GCNT1: variants seen among roughly 807,000 people sequenced by gnomAD.
GCNT1 encodes glucosaminyl (N-acetyl) transferase 1, also known as beta-1,3-galactosyl-O-glycosyl-glycoprotein beta-1,6-N-acetylglucosaminyltransferase.
In GCNT1, 16 loss-of-function variants were observed where a neutral mutation model predicts 26.2. That is an observed-to-expected ratio of 0.61 (90% CI 0.41 to 0.93). The LOEUF is 0.93. GCNT1 is among the 40% of genes least tolerant of loss of function. The pLI is 0.00. For missense variants in GCNT1, 477 were observed against 526.7 expected, an observed-to-expected ratio of 0.91 and a Z score of 0.92; for synonymous variants, 183 against 190.8, an observed-to-expected ratio of 0.96 and a Z score of 0.34.
upstream of GCNT1, among the ~76,000 whole-genome samples, chr9:76,441,024 C>T (rs1823476766): frequency 6.7e-6 from 1 of 149,166 alleles, no homozygotes; most frequent in Admixed American, 6.7e-5. Flanking sequence ...AAGATCACAC[C>T]ACTGCACTCC....
At chr9:76,468,639 G>GT (rs766451054) in intron 2 of GCNT1, among the ~76,000 whole-genome samples, 1 of 152,180 alleles carries the variant, frequency 6.6e-6, no homozygotes, top group Non-Finnish European at 1.5e-5. Flanking sequence ...TGCCAGATAC[G>GT]TAAGAGTGGT....
upstream of GCNT1, among the ~76,000 whole-genome samples, chr9:76,418,366 G>T (rs1823150400): frequency 4.6e-5 from 7 of 152,216 alleles, no homozygotes; most frequent in Admixed American, 4.6e-4. Flanking sequence ...TGTACATGCT[G>T]GTCAACTTTT....
the GCNT1 span, among the ~76,000 whole-genome samples, chr9:76,405,484 C>G: frequency 6.6e-6 from 1 of 152,182 alleles, no homozygotes; most frequent in African/African-American, 2.4e-5. Context: ...CTTGTATCCA[C>G]CATTATCGTA....
chr9:76,497,081 C>G (rs1055508493), intron 2 of GCNT1, among the ~76,000 whole-genome samples: 1 of 152,136 alleles, frequency 6.6e-6, no homozygotes, highest in Non-Finnish European at 1.5e-5. Flanking sequence ...TGTAGTTGTC[C>G]TCACTGGCAA....
At chr9:76,421,756 C>T (rs1823200175) in intron 1 of GCNT1, among the ~76,000 whole-genome samples, 1 of 119,210 alleles carries the variant, frequency 8.4e-6, no homozygotes, top group Non-Finnish European at 1.6e-5. Flanking sequence ...TGCAATGGCT[C>T]AATCACAGCT....
chr9:76,478,126 A>G (rs1824300172), intron 2 of GCNT1, among the ~76,000 whole-genome samples: 1 of 152,244 alleles, frequency 6.6e-6, no homozygotes, highest in Admixed American at 6.5e-5. Context: ...GTGGGGACAA[A>G]TAAAGGAATA....
intron 2 of GCNT1, among the ~76,000 whole-genome samples, chr9:76,474,792 T>C (rs939736794): frequency 6.6e-6 from 1 of 152,230 alleles, no homozygotes; most frequent in African/African-American, 2.4e-5. Flanking sequence ...AGAAAATTAC[T>C]GAAGTGAACA....
chr9:76,480,944 A>T (rs910847495), intron 2 of GCNT1, among the ~76,000 whole-genome samples: 3 of 151,992 alleles, frequency 2.0e-5, no homozygotes, highest in Non-Finnish European at 4.4e-5. Flanking sequence ...AGGATTACTC[A>T]GAAAAAAAAA....
At chr9:76,459,599 G>C (rs1158733383) in intron 1 of GCNT1, among the ~76,000 whole-genome samples, 1 of 152,194 alleles carries the variant, frequency 6.6e-6, no homozygotes, top group Admixed American at 6.5e-5. Context: ...CTTAGATGTC[G>C]GAGGGGTTGG....
At chr9:76,426,645 C>T (rs937240232) in intron 1 of GCNT1, among the ~76,000 whole-genome samples, 3 of 152,086 alleles carry the variant, frequency 2.0e-5, no homozygotes, top group East Asian at 3.9e-4. Flanking sequence ...GCCTGTAATC[C>T]CGCACTTTGG....
intron 1 of GCNT1, among the ~76,000 whole-genome samples, chr9:76,453,003 G>T (rs892804752): frequency 5.9e-5 from 9 of 152,216 alleles, no homozygotes; most frequent in African/African-American, 2.2e-4. Flanking sequence ...GCCTCACACA[G>T]CCCCTGCTGC....
chr9:76,443,209 G>A (rs12346978), intron 1 of GCNT1, among the ~76,000 whole-genome samples: 2,595 of 152,198 alleles, frequency 0.017, 76 homozygotes, highest in African/African-American at 0.059. Context: ...AGACCAGCTC[G>A]GTTGGGGAGA....
the GCNT1 span, among the ~76,000 whole-genome samples, chr9:76,399,997 A>T: frequency 6.6e-6 from 1 of 152,240 alleles, no homozygotes; most frequent in African/African-American, 2.4e-5. Context: ...ATAACACATG[A>T]TTCCAATTAT....
upstream of GCNT1, among the ~76,000 whole-genome samples, chr9:76,454,848 T>TTTC (rs1291840519): frequency 4.3e-5 from 6 of 139,396 alleles, no homozygotes; most frequent in African/African-American, 1.3e-4. Flanking sequence ...TTTTCTTTTT[T>TTTC]TTTTTTTTTT....
the GCNT1 span, among the ~76,000 whole-genome samples, chr9:76,400,921 T>C: frequency 1.3e-5 from 2 of 152,296 alleles, no homozygotes; most frequent in South Asian, 4.1e-4. Context: ...TGATAGAGCT[T>C]AGTAGTAGGT....
At chr9:76,465,419 T>G (rs1270532774) in intron 2 of GCNT1, among the ~76,000 whole-genome samples, 1 of 152,164 alleles carries the variant, frequency 6.6e-6, no homozygotes, top group Non-Finnish European at 1.5e-5. Flanking sequence ...CCACCGCACC[T>G]GGCCTAATTT....
Position 76,504,819 on chromosome 9 carries a change from C to T in GCNT1, c.*1151C>T. 2.4e-6 allele frequency: 1 copy of T among 413,480 alleles called. No individual in the cohort carries two copies. Among genetic ancestry groups the T allele is most frequent in the Non-Finnish European group, 4.4e-6 (1 of 226,158 alleles). 25.6% of individuals were successfully genotyped at this position (413,480 alleles called of 1,614,324 possible). On this transcript the variant is annotated 3_prime_UTR_variant, in exon 4 of 4. Coordinates refer to ENST00000376730, the MANE Select transcript of GCNT1 (RefSeq NM_001490.5). ...CTGCCCCCTGGGTGGTAAGTTTCCT[C>T]CTTTCTCAACCTTCCACGAGGAGGA...
the GCNT1 span, among the ~76,000 whole-genome samples, chr9:76,396,434 T>G: frequency 8.5e-6 from 1 of 117,896 alleles, no homozygotes; most frequent in Admixed American, 8.1e-5. Flanking sequence ...ATCCAAAAAT[T>G]TTAAAATAAA....
upstream of GCNT1, among the ~76,000 whole-genome samples, chr9:76,438,859 T>C (rs1024513405): frequency 6.6e-6 from 1 of 152,164 alleles, no homozygotes; most frequent in Middle Eastern, 3.4e-3. Flanking sequence ...TTGGGCCTCA[T>C]TGAAAGCCCT....
Sources: gnomAD v4.1 joint callset for allele counts (sites outside exome capture counted in the v4.1 genomes callset) on GRCh38, gnomAD v4.1.1 for gene constraint, MANE v1.5 for transcripts, NCBI Gene and HGNC (gene_info 2026-07-23, HGNC 2026-07-21) for gene names.